LRP2: variants seen among roughly 807,000 people sequenced by gnomAD.
LRP2 encodes LDL receptor related protein 2.
In LRP2, 172 loss-of-function variants were observed where a neutral mutation model predicts 531.0. The observed-to-expected ratio is 0.32, with a 90% CI of 0.29 to 0.37. The LOEUF (loss-of-function observed/expected upper bound fraction) is 0.37. Ranked by LOEUF, LRP2 falls within the 10% of genes least tolerant of loss-of-function variation. LRP2 has a pLI of 1.00. For missense variants in LRP2, 5,167 were observed against 5,868.3 expected (o/e 0.88, Z 3.90); for synonymous variants, 1,992 against 2,027.6 (o/e 0.98, Z 0.47).
intron 16 of LRP2, among the ~76,000 whole-genome samples, chr2:169,260,020 C>G (rs13025890): frequency 0.09 from 13,620 of 152,142 alleles, 682 homozygotes; most frequent in African/African-American, 0.13. Context: ...TGAGCACTTA[C>G]TAGGTGGCAG....
At chr2:169,361,361 TCTCTCTCTCTCTCTCC>T (rs1266156515) in intron 1 of LRP2, among the ~76,000 whole-genome samples, 2,162 of 134,332 alleles carry the variant, frequency 0.016, 22 homozygotes, top group Middle Eastern at 0.024. Context: ...TCTCTCTCTC[TCTCTCTCTCTCTCTCC>T]CTCTCTCTCT....
intron 60 of LRP2, among the ~76,000 whole-genome samples, chr2:169,168,888 T>C (rs1339126181): frequency 6.6e-6 from 1 of 152,190 alleles, no homozygotes; most frequent in Non-Finnish European, 1.5e-5. Context: ...GCATGAATCA[T>C]CCATGGCATG....
chr2:169,170,701 A>C (rs780600332), intron 58 of LRP2, 34 bp from the exon 59 acceptor site: 3 of 1,409,226 alleles, frequency 2.1e-6, no homozygotes, highest in Non-Finnish European at 3.0e-6. Context: ...ATGAGTGTGC[A>C]CCAGGAATCA....
At chr2:169,278,095 G>C in intron 12 of LRP2, 144 bp from the exon 13 acceptor site, 2 of 562,452 alleles carry the variant, frequency 3.6e-6, no homozygotes, top group Non-Finnish European at 6.1e-6. Flanking sequence ...AAATTAAGTT[G>C]TTTTTTTTTT....
intron 8 of LRP2, 81 bp downstream of exon 8, chr2:169,290,763 AG>A: frequency 6.9e-7 from 1 of 1,441,160 alleles, no homozygotes; most frequent in African/African-American, 1.4e-5. Flanking sequence ...AAATGCCAAC[AG>A]ATACACTGTA....
At chr2:169,246,573 G>A (rs1253916238) in intron 21 of LRP2, 132 bp downstream of exon 21, 7 of 1,093,012 alleles carry the variant, frequency 6.4e-6, no homozygotes. Context: ...AGCCTTCAAA[G>A]TGCATGTTAA....
chr2:169,329,724 G>A (rs916090273), intron 1 of LRP2, among the ~76,000 whole-genome samples: 1 of 152,212 alleles, frequency 6.6e-6, no homozygotes, highest in Non-Finnish European at 1.5e-5. Flanking sequence ...GAGGCTGCTA[G>A]CAGAGAAGGG....
chr2:169,162,375 G>A (rs946438777), intron 63 of LRP2, 97 bp downstream of exon 63: 1 of 1,393,980 alleles, frequency 7.2e-7, no homozygotes, highest in African/African-American at 1.4e-5. Context: ...GTACATTAAG[G>A]AGAAAATGTG....
chr2:169,229,888 A>T (rs2105366366), intron 31 of LRP2, among the ~76,000 whole-genome samples: 1 of 152,306 alleles, frequency 6.6e-6, no homozygotes, highest in South Asian at 2.1e-4. Flanking sequence ...TCAACAATCA[A>T]ATCAAGTAAA....
intron 60 of LRP2, among the ~76,000 whole-genome samples, 180 bp downstream of exon 60, chr2:169,169,522 G>A (rs1324618145): frequency 1.3e-5 from 2 of 152,154 alleles, no homozygotes; most frequent in South Asian, 2.1e-4. Flanking sequence ...CACTTGAACG[G>A]CCATTGTGAA....
chr2:169,316,403 T>C (rs1404878105), intron 3 of LRP2, among the ~76,000 whole-genome samples: 1 of 152,162 alleles, frequency 6.6e-6, no homozygotes, highest in Non-Finnish European at 1.5e-5. Flanking sequence ...ATAAAATACT[T>C]TCATTATGAA....
intron 63 of LRP2, 119 bp downstream of exon 63, chr2:169,162,353 T>C (rs1399523963): frequency 1.7e-6 from 2 of 1,209,354 alleles, no homozygotes; most frequent in African/African-American, 3.0e-5. Flanking sequence ...TTGACTGGAA[T>C]TCAAGCAAAA....
chr2:169,338,142 G>C (rs1435599522), intron 1 of LRP2, among the ~76,000 whole-genome samples: 1 of 149,308 alleles, frequency 6.7e-6, no homozygotes, highest in African/African-American at 2.5e-5. Flanking sequence ...GGGGGAAGTA[G>C]GGAAGGAGGA....
At chr2:169,286,251 A>G (rs369451810) in intron 9 of LRP2, among the ~76,000 whole-genome samples, 14 of 152,238 alleles carry the variant, frequency 9.2e-5, no homozygotes, top group African/African-American at 3.1e-4. Context: ...GAGGCCTCAT[A>G]TTCACAAAGG....
At chr2:169,184,246 T>C (rs1687545088) in intron 50 of LRP2, among the ~76,000 whole-genome samples, 1 of 152,220 alleles carries the variant, frequency 6.6e-6, no homozygotes, top group Non-Finnish European at 1.5e-5. Context: ...TTAATCACTA[T>C]ACTTTTTGAC....
chr2:169,132,537 C>G lies in LRP2; in HGVS notation c.13728+37G>C, dbSNP rs372374047. ...AAACCCAGTCATCCCAAAGTTTTTCCAAATCCCACATTATTTCAGGAGTCG... is the reference window on the plus strand; with the variant it reads ...AAACCCAGTCATCCCAAAGTTTTTCGAAATCCCACATTATTTCAGGAGTCG... On this transcript the variant is annotated intron_variant, in intron 77 of 78. Transcript: ENST00000649046. The G allele has an allele frequency of 1.1e-4, 142 of 1,272,878 alleles. 2 individuals are homozygous for G. The Middle Eastern group carries it at 2.2e-3, about 20-fold the overall frequency. The allele number at this position is 1,272,878 out of a possible 1,614,324, so 78.8% of individuals were successfully genotyped here.
intron 14 of LRP2, 146 bp from the exon 15 acceptor site, chr2:169,273,213 T>C: frequency 1.1e-6 from 1 of 887,378 alleles, no homozygotes; most frequent in Admixed American, 1.9e-5. Flanking sequence ...TGGTTACTAC[T>C]GGATACATCC....
At chr2:169,352,465 G>A (rs10199676) in intron 1 of LRP2, among the ~76,000 whole-genome samples, 1 of 152,168 alleles carries the variant, frequency 6.6e-6, no homozygotes, top group Non-Finnish European at 1.5e-5. Flanking sequence ...ATTTGCAGTG[G>A]TAAGTCAGTT....
chr2:169,255,967 A>G (rs980216122), intron 19 of LRP2, 139 bp downstream of exon 19: 6 of 716,258 alleles, frequency 8.4e-6, no homozygotes, highest in Non-Finnish European at 1.3e-5. Flanking sequence ...TTGTCTAAAT[A>G]TATAGCACCA....
Sources: gnomAD v4.1 joint callset for allele counts (sites outside exome capture counted in the v4.1 genomes callset) on GRCh38, gnomAD v4.1.1 for gene constraint, MANE v1.5 for transcripts, NCBI Gene and HGNC (gene_info 2026-07-23, HGNC 2026-07-21) for gene names.